Variants in PREP observed in about 807,000 individuals in gnomAD.
PREP encodes the protein prolyl endopeptidase.
In PREP, 29 loss-of-function variants were observed where a neutral mutation model predicts 87.6. The observed-to-expected ratio is 0.33, with a 90% confidence interval of 0.25 to 0.45. PREP has a LOEUF of 0.45. PREP is among the 20% of genes least tolerant of loss of function. PREP has a pLI of 1.00. For synonymous variants in PREP, 337 were observed against 328.6 expected (o/e 1.03, Z -0.28); for missense variants, 695 against 886.5 (o/e 0.78, Z 2.74).
Position 105,339,071 on chromosome 6 carries a change from G to A in PREP, c.824-5566C>T, listed in dbSNP as rs140368995. ...AGCATGGAGTTTGAGATCTGAGAAC[G>A]AACAGACTGCCTCCTAAAGTGGGTC... On this transcript the variant is annotated intron_variant, in intron 7 of 14. Coordinates refer to ENST00000652536, the MANE Select transcript of PREP (RefSeq NM_002726.5). Among the ~76,000 whole-genome samples the A allele has an allele frequency of 4.8e-3, 732 of 152,334 alleles. 3 individuals are homozygous for A. Among genetic ancestry groups the A allele is most frequent in the Non-Finnish European group, 6.7e-3 (459 of 68,030 alleles).
chr6:105,283,096 CTGACA>C (rs1770117587), intron 12 of PREP, among the ~76,000 whole-genome samples: 1 of 152,212 alleles, frequency 6.6e-6, no homozygotes, highest in African/African-American at 2.4e-5. Context: ...CTGCAGGAGT[CTGACA>C]TGGTCGGTGA....
chr6:105,308,659 T>TAA (rs879267706), intron 10 of PREP, among the ~76,000 whole-genome samples: 1 of 143,734 alleles, frequency 7.0e-6, no homozygotes, highest in East Asian at 2.0e-4. Context: ...ACAGAAATAT[T>TAA]AAAAAAAAAA....
chr6:105,346,273 A>G (rs1032471766), intron 7 of PREP, among the ~76,000 whole-genome samples: 10 of 152,234 alleles, frequency 6.6e-5, no homozygotes, highest in African/African-American at 2.2e-4. Context: ...CAGCCCTGTC[A>G]GGCAAGAACA....
rs570359531 is a variant in PREP at position 105,343,771 on chromosome 6, T to G, written c.823+9201A>C. 3.3e-5 allele frequency among the ~76,000 whole-genome samples: 5 copies of G among 152,236 alleles called. No individual in the cohort carries two copies. The South Asian group carries it at 1.0e-3, about 32-fold the overall frequency. On this transcript the variant is annotated intron_variant, in intron 7 of 14. Coordinates refer to ENST00000652536, the MANE Select transcript of PREP (RefSeq NM_002726.5). ...TGCAGCCAAAAGACGCATGAAAAAA[T>G]GCTCATCATCACTGGCCATCAGAGA...
At position 105,277,199 on chromosome 6, in the gene PREP, T is replaced by C. The variant is rs1769959426; in HGVS notation, c.*945A>G. On this transcript the variant is annotated 3_prime_UTR_variant, in exon 15 of 15. Transcript: ENST00000652536. ...TTTTCCAGTAAGTAAGTATGACTAT[T>C]TCTATTTCCAGGAGTGATCTATGCA... Among the ~76,000 whole-genome samples the C allele has an allele frequency of 6.7e-6, 1 of 150,114 alleles. No individual in the cohort carries two copies. Among genetic ancestry groups the C allele is most frequent in the Non-Finnish European group, 1.5e-5 (1 of 67,936 alleles).
At chr6:105,282,694 C>A in intron 12 of PREP, 112 bp from the exon 13 acceptor site, 2 of 1,269,122 alleles carry the variant, frequency 1.6e-6, no homozygotes, top group Non-Finnish European at 2.2e-6. Flanking sequence ...AACTTAAAAA[C>A]CATGGGTTAA....
chr6:105,387,265 G>A (rs1003906158), intron 2 of PREP, among the ~76,000 whole-genome samples: 3 of 152,146 alleles, frequency 2.0e-5, no homozygotes, highest in South Asian at 2.1e-4. Flanking sequence ...AGTTATCGCA[G>A]TTCTTTAGAT....
intron 2 of PREP, among the ~76,000 whole-genome samples, chr6:105,383,480 T>C (rs1772902965): frequency 6.6e-6 from 1 of 152,112 alleles, no homozygotes; most frequent in Non-Finnish European, 1.5e-5. Flanking sequence ...AATATTCTAG[T>C]TCAATCAGTG....
intron 2 of PREP, among the ~76,000 whole-genome samples, chr6:105,385,829 A>T (rs1429842956): frequency 1.3e-5 from 2 of 152,190 alleles, no homozygotes; most frequent in Admixed American, 1.3e-4. Flanking sequence ...AAAAAACACG[A>T]CCAATTGTCA....
At chr6:105,388,455 G>A (rs573107490) in intron 2 of PREP, among the ~76,000 whole-genome samples, 66 of 133,900 alleles carry the variant, frequency 4.9e-4, no homozygotes, top group Non-Finnish European at 9.1e-4. Flanking sequence ...ATCAAAAACC[G>A]TATTACAGAA....
At chr6:105,334,796 G>A (rs1165296022) in intron 7 of PREP, among the ~76,000 whole-genome samples, 1 of 152,076 alleles carries the variant, frequency 6.6e-6, no homozygotes, top group Admixed American at 6.5e-5. Flanking sequence ...TCACAGGCAT[G>A]ATCATAGTTC....
In PREP at chr6:105,353,086, G is replaced by GA. The variant is rs537948536; in HGVS notation, c.718-10dup. On this transcript the variant is annotated splice_polypyrimidine_tract_variant and intron_variant, in intron 6 of 14. Coordinates refer to ENST00000652536, the MANE Select transcript of PREP (RefSeq NM_002726.5). ...CGGCCATCATCAGATAACTAAAAAA[G>GA]AAAAAAAAATAGTGCAGGGGACTAA... 1.0e-3 allele frequency: 1,586 copies of GA among 1,549,958 alleles called. No individual in the cohort carries two copies. Among genetic ancestry groups the GA allele is most frequent in the East Asian group, 1.6e-3 (68 of 43,862 alleles).
Position 105,401,623 on chromosome 6 carries a change from T to C in PREP, c.45+1224A>G, listed in dbSNP as rs79358805. On this transcript the variant is annotated intron_variant, in intron 1 of 14. Transcript: ENST00000652536. ...ACTCCCATATTCAAAGGAAACAACCTTTAAACCACAGGAATAGAGCTTCTT... is the reference window on the plus strand; with the variant it reads ...ACTCCCATATTCAAAGGAAACAACCCTTAAACCACAGGAATAGAGCTTCTT... 8.3e-3 allele frequency among the ~76,000 whole-genome samples: 1,240 copies of C among 148,918 alleles called. 11 individuals are homozygous for C. Among genetic ancestry groups the C allele is most frequent in the African/African-American group, 0.03 (1,187 of 39,084 alleles).
In PREP at chr6:105,329,044, G is replaced by GA. The variant is rs1243928694; in HGVS notation, c.1016-19dup. The GA allele has an allele frequency of 2.5e-6, 4 of 1,599,746 alleles. No individual in the cohort carries two copies. In the African/African-American group the frequency reaches 4.0e-5, roughly 16 times the overall value. On this transcript the variant is annotated intron_variant, in intron 8 of 14. Transcript: ENST00000652536. ...TATCCATTCTGAAAGGATAAGAAGA[G>GA]AAAAAACCTAATGCAATTTAAAAAA...
At chr6:105,379,415 A>G (rs1772778492) in intron 2 of PREP, among the ~76,000 whole-genome samples, 1 of 152,246 alleles carries the variant, frequency 6.6e-6, no homozygotes, top group African/African-American at 2.4e-5. Context: ...ATCAATGCCT[A>G]TCTGAGAAAC....
chr6:105,362,777 T>C (rs1455921538), intron 6 of PREP, among the ~76,000 whole-genome samples: 2 of 152,084 alleles, frequency 1.3e-5, no homozygotes, highest in Admixed American at 1.3e-4. Context: ...GCTAAGTACT[T>C]GGGGAATAAA....
intron 6 of PREP, among the ~76,000 whole-genome samples, chr6:105,365,514 G>A (rs1035473560): frequency 2.0e-5 from 3 of 152,170 alleles, no homozygotes; most frequent in African/African-American, 7.2e-5. Context: ...TGGACCTGAG[G>A]CTTCTGAGGC....
intron 2 of PREP, 59 bp from the exon 3 acceptor site, chr6:105,377,578 T>TG: frequency 6.4e-7 from 1 of 1,563,060 alleles, no homozygotes; most frequent in South Asian, 1.1e-5. Flanking sequence ...ATGTGAAATA[T>TG]TATCCACTAA....
intron 10 of PREP, among the ~76,000 whole-genome samples, chr6:105,305,528 T>G (rs947744193): frequency 2.0e-5 from 3 of 151,934 alleles, no homozygotes; most frequent in Non-Finnish European, 4.4e-5. Context: ...GGGAAGTAAC[T>G]CACTAGTGGG....
Sources: allele counts gnomAD v4.1 joint callset (sites outside exome capture counted in the v4.1 genomes callset), GRCh38; gene constraint gnomAD v4.1.1; transcripts MANE v1.5; gene names NCBI Gene and HGNC (gene_info 2026-07-23, HGNC 2026-07-21).